Variants in HLA-DPA1 observed in about 807,000 individuals in gnomAD.
The protein encoded by HLA-DPA1 is HLA class II histocompatibility antigen, DP alpha 1 chain.
A neutral mutation model predicts 21.5 loss-of-function variants in HLA-DPA1; 20 were observed. That is an observed-to-expected ratio of 0.93 (90% CI 0.66 to 1.35). The LOEUF (loss-of-function observed/expected upper bound fraction) is 1.35. Among genes scored for constraint, HLA-DPA1 ranks in the 40% most tolerant of loss-of-function variants. The probability of loss-of-function intolerance (pLI) is 0.00; values close to 1 mark genes in which losing one functional copy is unlikely to be tolerated. For missense variants in HLA-DPA1, 279 were observed against 323.0 expected (o/e 0.86, Z 1.05); for synonymous variants, 123 against 129.6 (o/e 0.95, Z 0.35).
intron 1 of HLA-DPA1, among the ~76,000 whole-genome samples, chr6:33,076,345 G>A (rs2150366889): frequency 6.6e-6 from 1 of 150,662 alleles, no homozygotes; most frequent in African/African-American, 2.5e-5. Flanking sequence ...CAAGGACATG[G>A]GTACAGTAAA....
At chr6:33,068,940 C>G (rs35947638) in intron 4 of HLA-DPA1, 79 bp downstream of exon 3, 325,941 of 1,546,580 alleles carry the variant, frequency 0.21, 45,073 homozygotes, top group East Asian at 0.64. Context: ...CCAGCCAGTG[C>G]GGAAAGCTGG....
rs368373459 is a variant in HLA-DPA1, at chr6:33,069,631, T to A, written c.346+10A>T. On this transcript the variant is annotated intron_variant, in intron 3 of 5. Transcript: ENST00000419277. ...TGGGCTACAGAGGAAGAGGCAAAGA[T>A]AGGGCGTACCGTTGGTGGCCTGAGT... The A allele has an allele frequency of 6.8e-6, 11 of 1,611,554 alleles. No individual in the cohort carries two copies. The Admixed American group carries it at 1.8e-4, about 27-fold the overall frequency.
chr6:33,066,696 A>T (rs73739631), intron 5 of HLA-DPA1: 1 of 152,050 alleles, frequency 6.6e-6, no homozygotes, highest in Non-Finnish European at 1.5e-5. Context: ...GCAGGACTAT[A>T]TAAGGATCAC....
rs775670754 is a variant in HLA-DPA1, at chr6:33,069,157, C to T, written c.490G>A (p.Ala164Thr). 6.2e-6 allele frequency: 10 copies of T among 1,612,850 alleles called. 1 individual carries two copies. The highest frequency in any genetic ancestry group is 5.5e-5 in the South Asian group (5 of 91,086). The change falls in exon 4 of 6, where the codon GCT (alanine) becomes ACT (threonine). Residue 164 changes from alanine to threonine, a missense_variant. Coordinates refer to ENST00000419277, the Ensembl canonical transcript of HLA-DPA1. ...GTTCTGGGCAGGAAGAGGCTCTCAG[C>T]GACACCCTCAGTGACCAGCTCCCCG...
chr6:33,068,242 T>G (rs1055567993), intron 5 of HLA-DPA1: 1 of 160,874 alleles, frequency 6.2e-6, no homozygotes, highest in Admixed American at 6.4e-5. Flanking sequence ...GGTCTTTTCC[T>G]TCACAAAATA....
intron 1 of HLA-DPA1, among the ~76,000 whole-genome samples, chr6:33,074,355 C>G (rs1420803266): frequency 1.3e-5 from 2 of 152,136 alleles, no homozygotes; most frequent in Non-Finnish European, 2.9e-5. Flanking sequence ...ATACCCAGGA[C>G]AGCATTACCT....
chr6:33,076,379 G>GTTTGCT (rs9282410), intron 1 of HLA-DPA1, among the ~76,000 whole-genome samples: 2 of 151,638 alleles, frequency 1.3e-5, no homozygotes, highest in Admixed American at 6.6e-5. Flanking sequence ...CCAGTGGTCA[G>GTTTGCT]TGTCTTTGGG....
chr6:33,070,970 C>G (rs188899148), intron 2 of HLA-DPA1, among the ~76,000 whole-genome samples: 1 of 152,180 alleles, frequency 6.6e-6, no homozygotes, highest in Non-Finnish European at 1.5e-5. Context: ...ATAAAAGCAA[C>G]TATTATCATG....
chr6:33,069,425 G>A (rs1254116416), intron 3 of HLA-DPA1, 125 bp from the exon 3 acceptor site: 11 of 1,071,394 alleles, frequency 1.0e-5, no homozygotes, highest in Middle Eastern at 2.3e-4. Context: ...TCACAGAGAG[G>A]GGTATCACAC....
intron 4 of HLA-DPA1, 28 bp from the exon 4 acceptor site, chr6:33,068,832 A>G (rs2150358055): frequency 1.2e-6 from 2 of 1,609,914 alleles, no homozygotes; most frequent in East Asian, 4.5e-5. Context: ...AGATAGGGTC[A>G]GGAGGTGCAG....
At chr6:33,068,753 G>T (rs1158503701) in exon 5 of HLA-DPA1, 2 of 1,612,882 alleles carry the variant, frequency 1.2e-6, no homozygotes, top group East Asian at 2.2e-5. Flanking sequence ...CAGGCCCAGG[G>T]CACAGAGCAC....
chr6:33,069,304 GA>G lies in HLA-DPA1; in HGVS notation c.347-5del. ...AACACGGTCACCTCAGGGGGATCTG[GA>G]AGGAGACAGCACCAGGTTAGGCCCC... On this transcript the variant is annotated splice_polypyrimidine_tract_variant and splice_region_variant and intron_variant, in intron 3 of 5. Coordinates refer to ENST00000419277, the Ensembl canonical transcript of HLA-DPA1. The G allele has an allele frequency of 6.2e-7, 1 of 1,610,328 alleles. No homozygotes were observed.
chr6:33,075,535 A>G lies in HLA-DPA1; in HGVS notation c.-99-1866T>C, dbSNP rs147444194. 3.6e-3 allele frequency among the ~76,000 whole-genome samples: 541 copies of G among 152,240 alleles called. 3 individuals are homozygous for G. Among genetic ancestry groups the G allele is most frequent in the East Asian group, 0.026 (133 of 5,178 alleles). On this transcript the variant is annotated intron_variant, in intron 1 of 5. Transcript: ENST00000419277. The stretch of plus-strand genomic sequence containing the variant: ...ACAAAGGCAAGACAGACAGACTCAG[A>G]CCTCATTTGAGTTCTGAGATGGGTA...
At chr6:33,066,629 C>T (rs1226471199) in intron 5 of HLA-DPA1, 1 of 152,092 alleles carries the variant, frequency 6.6e-6, no homozygotes, top group African/African-American at 2.4e-5. Context: ...AGACAGTTGC[C>T]AGAAGTCAGA....
At position 33,080,160 on chromosome 6, in the gene HLA-DPA1, A is replaced by C. The variant is rs1162982828; in HGVS notation, c.-100+520T>G. On this transcript the variant is annotated intron_variant, in intron 1 of 5. Coordinates refer to ENST00000419277, the Ensembl canonical transcript of HLA-DPA1. The surrounding 1 kb of genome is among the most constrained non-coding windows in gnomAD (Gnocchi z 4.3). ...GGAGCAAGTTGAGGAATTCTCAAGA[A>C]ACTGGTCGAGAAGAGAGAGCGCTTA... is the stretch of plus-strand genomic sequence containing the variant. Among the ~76,000 whole-genome samples the C allele has an allele frequency of 6.6e-6, 1 of 152,212 alleles. No homozygotes were observed. The highest frequency in any genetic ancestry group is 2.4e-5 in the African/African-American group (1 of 41,446).
At chr6:33,068,606 C>A in intron 5 of HLA-DPA1, 32 bp downstream of exon 4, 1 of 1,537,056 alleles carries the variant, frequency 6.5e-7, no homozygotes, top group Non-Finnish European at 8.8e-7. Flanking sequence ...TTACATTCTA[C>A]AAATCCTAGG....
chr6:33,078,630 A>G (rs1200766385), intron 1 of HLA-DPA1, among the ~76,000 whole-genome samples: 1 of 152,214 alleles, frequency 6.6e-6, no homozygotes, highest in Non-Finnish European at 1.5e-5. Context: ...TATATACAAA[A>G]AAAAATGAAG....
chr6:33,074,416 T>G (rs1762435711), intron 1 of HLA-DPA1, among the ~76,000 whole-genome samples: 1 of 152,212 alleles, frequency 6.6e-6, no homozygotes, highest in African/African-American at 2.4e-5. Context: ...GAAGGGTTTC[T>G]CTAATGTTTT....
chr6:33,076,012 C>T, intron 1 of HLA-DPA1: 1 of 1,559,438 alleles, frequency 6.4e-7, no homozygotes, highest in Non-Finnish European at 8.8e-7. Flanking sequence ...GACTGCAGCT[C>T]TTTTCATTTT....
Sources: allele counts gnomAD v4.1 joint callset (sites outside exome capture counted in the v4.1 genomes callset), GRCh38; gene constraint gnomAD v4.1.1; non-coding constraint Gnocchi (gnomAD v3.1); transcripts MANE v1.5; gene names NCBI Gene and HGNC (gene_info 2026-07-23, HGNC 2026-07-21).